OSCP1: variants seen among roughly 807,000 people sequenced by gnomAD.
OSCP1 encodes the protein organic solute carrier partner 1.
OSCP1 carries 35 observed loss-of-function variants against 45.1 expected under a neutral mutation model. The observed-to-expected ratio is 0.78, with a 90% CI of 0.59 to 1.03. The LOEUF (loss-of-function observed/expected upper bound fraction) is 1.03, where lower values mean the gene tolerates loss of function less well. OSCP1 is among the 50% of genes least tolerant of loss of function. OSCP1 has a pLI of 0.00. For synonymous variants in OSCP1, 179 were observed against 180.1 expected (o/e 0.99, Z 0.05); for missense variants, 400 against 470.7 (o/e 0.85, Z 1.39).
At chr1:36,422,978 A>G (rs1179869419) in intron 5 of OSCP1, 82 bp from the exon 6 acceptor site, 1 of 1,204,542 alleles carries the variant, frequency 8.3e-7, no homozygotes, top group Non-Finnish European at 1.1e-6. Context: ...GTACTACAGA[A>G]CAAAAAAGGA....
At position 36,450,383 on chromosome 1, in the gene OSCP1, A is replaced by T. The variant is rs942825277; in HGVS notation, c.-14T>A. On this transcript the variant is annotated 5_prime_UTR_variant, in exon 1 of 10. Transcript: ENST00000235532. ...CCGCACCGACATGGTGCTGGAAACG[A>T]GCTGGACTGGTGAAGAGCCCCGGGG... The T allele has an allele frequency of 1.2e-6, 2 of 1,609,976 alleles. No individual in the cohort carries two copies. The highest frequency in any genetic ancestry group is 2.7e-5 in the African/African-American group (2 of 74,816).
chr1:36,446,355 T>G (rs1380583650), intron 1 of OSCP1, among the ~76,000 whole-genome samples: 1 of 152,152 alleles, frequency 6.6e-6, no homozygotes, highest in Non-Finnish European at 1.5e-5. Context: ...TGGTATAGTG[T>G]GATAGACTTG....
At position 36,418,006 on chromosome 1, in the gene OSCP1, C is replaced by T; in HGVS notation, c.*133G>A. 4.5e-6 allele frequency: 3 copies of T among 662,334 alleles called. No individual in the cohort carries two copies. The highest frequency in any genetic ancestry group is 7.7e-6 in the Non-Finnish European group (3 of 389,864). 41.0% of individuals were successfully genotyped at this position (662,334 alleles called of 1,614,324 possible). The stretch of plus-strand genomic sequence containing the variant: ...GGGAGACTCACACAGTTCCTTACAA[C>T]ATAAATAAGAAATAGACGTAATGGC... On this transcript the variant is annotated 3_prime_UTR_variant, in exon 10 of 10. Coordinates refer to ENST00000235532, the MANE Select transcript of OSCP1 (RefSeq NM_145047.5).
chr1:36,418,369 C>G, intron 9 of OSCP1, 114 bp from the exon 10 acceptor site: 1 of 815,778 alleles, frequency 1.2e-6, no homozygotes, highest in Non-Finnish European at 2.0e-6. Flanking sequence ...CAGTTGCGCA[C>G]CTGTTTGTCA....
At chr1:36,426,177 A>T (rs189025782) in intron 4 of OSCP1, among the ~76,000 whole-genome samples, 1 of 152,200 alleles carries the variant, frequency 6.6e-6, no homozygotes, top group African/African-American at 2.4e-5. Context: ...GGGAATATTT[A>T]TATGTGCTAG....
In OSCP1 at chr1:36,422,749, C is replaced by G; in HGVS notation, c.749+19G>C. On this transcript the variant is annotated intron_variant, in intron 6 of 9. Coordinates refer to ENST00000235532, the MANE Select transcript of OSCP1 (RefSeq NM_145047.5). Reference sequence around the variant, plus strand: ...GACCTCCCTTGGACTTGAATTCACTCAGAGAAGAATTTGCTTACATGTTAG... The same window carrying G: ...GACCTCCCTTGGACTTGAATTCACTGAGAGAAGAATTTGCTTACATGTTAG... 6.5e-7 allele frequency: 1 copy of G among 1,537,372 alleles called. No homozygotes were observed. Among genetic ancestry groups the G allele is most frequent in the Non-Finnish European group, 8.8e-7 (1 of 1,137,022 alleles).
intron 2 of OSCP1, among the ~76,000 whole-genome samples, chr1:36,438,450 A>C (rs1454601202): frequency 6.6e-6 from 1 of 152,090 alleles, no homozygotes; most frequent in Non-Finnish European, 1.5e-5. Context: ...TGATTGTACC[A>C]CTGCACTCCA....
intron 2 of OSCP1, among the ~76,000 whole-genome samples, chr1:36,436,208 AT>A (rs1387108054): frequency 6.9e-6 from 1 of 145,764 alleles, no homozygotes; most frequent in Non-Finnish European, 1.5e-5. Flanking sequence ...GGTTCACGCC[AT>A]TCTCCTGCCT....
At chr1:36,449,311 C>A (rs1462691300) in intron 1 of OSCP1, among the ~76,000 whole-genome samples, 1 of 152,142 alleles carries the variant, frequency 6.6e-6, no homozygotes, top group East Asian at 1.9e-4. Context: ...CGTCATTTTT[C>A]TGGGGATTAG....
intron 1 of OSCP1, among the ~76,000 whole-genome samples, chr1:36,439,754 A>G (rs1044279678): frequency 6.6e-6 from 1 of 152,262 alleles, no homozygotes; most frequent in Non-Finnish European, 1.5e-5. Flanking sequence ...TATAATCTTG[A>G]TACTACAGTG....
At chr1:36,438,695 T>C (rs569026570) in intron 2 of OSCP1, 61 bp downstream of exon 2, 208 of 1,545,006 alleles carry the variant, frequency 1.3e-4, no homozygotes, top group Admixed American at 4.3e-4. Flanking sequence ...CCCCAGTCTA[T>C]GATCATCCAC....
chr1:36,438,685 C>T (rs1199806499), intron 2 of OSCP1, 71 bp downstream of exon 2: 1 of 1,513,964 alleles, frequency 6.6e-7, no homozygotes, highest in Non-Finnish European at 8.9e-7. Context: ...TCTCATGTGA[C>T]CCCAGTCTAT....
chr1:36,422,364 T>C (rs16822942), intron 6 of OSCP1, 145 bp from the exon 7 acceptor site: 78,709 of 761,932 alleles, frequency 0.1, 4,876 homozygotes, highest in East Asian at 0.25. Context: ...CAACTGAGTG[T>C]GTGTTAACCA....
intron 2 of OSCP1, among the ~76,000 whole-genome samples, chr1:36,435,557 C>T (rs993041067): frequency 1.3e-5 from 2 of 152,046 alleles, no homozygotes; most frequent in African/African-American, 4.8e-5. Flanking sequence ...CTTAATTATC[C>T]TAATAATTGA....
chr1:36,444,014 GTCC>G, intron 1 of OSCP1: 1 of 1,613,572 alleles, frequency 6.2e-7, no homozygotes, highest in Non-Finnish European at 8.5e-7. Context: ...CTCGTTTTCT[GTCC>G]ACCTCTGTCC....
In OSCP1 at chr1:36,447,023, G is replaced by A. The variant is rs1221523848; in HGVS notation, c.112+3235C>T. ...AAGCTGCAACATCTGCCTTGGCCTT[G>A]TGGGAACAGGGATGGCCTCCAGGAG... On this transcript the variant is annotated intron_variant, in intron 1 of 9. Transcript: ENST00000235532. This position sits in a 1 kb window ranked among gnomAD's most constrained non-coding sequence, Gnocchi z 4.1. Among the ~76,000 whole-genome samples the A allele has an allele frequency of 6.6e-6, 1 of 152,212 alleles. No homozygotes were observed. The highest frequency in any genetic ancestry group is 1.5e-5 in the Non-Finnish European group (1 of 68,034).
At chr1:36,423,952 A>AT (rs58118366) in intron 4 of OSCP1, among the ~76,000 whole-genome samples, 15,374 of 149,262 alleles carry the variant, frequency 0.1, 921 homozygotes, top group East Asian at 0.3. Flanking sequence ...AAACAGAACT[A>AT]TTTTTTTTTT....
At position 36,432,595 on chromosome 1, in the gene OSCP1, A is replaced by C; in HGVS notation, c.268-6T>G. 1 of 1,614,166 alleles carries C rather than the reference A, an allele frequency of 6.2e-7. No homozygotes were observed. The highest frequency in any genetic ancestry group is 8.5e-7 in the Non-Finnish European group (1 of 1,180,018). ...ATGGTCATCAGGTCATAGAGCTGCCAACCCACACACAAGCAAAAGAAATGG... is the reference window on the plus strand; with the variant it reads ...ATGGTCATCAGGTCATAGAGCTGCCCACCCACACACAAGCAAAAGAAATGG... On this transcript the variant is annotated splice_polypyrimidine_tract_variant and splice_region_variant and intron_variant, in intron 2 of 9. Transcript: ENST00000235532.
At chr1:36,433,966 C>T (rs72919385) in intron 2 of OSCP1, among the ~76,000 whole-genome samples, 5,544 of 152,206 alleles carry the variant, frequency 0.036, 330 homozygotes, top group African/African-American at 0.13. Context: ...AGGAAGATCA[C>T]GCGATATTTA....
Sources: gnomAD v4.1 joint callset for allele counts (sites outside exome capture counted in the v4.1 genomes callset) on GRCh38, gnomAD v4.1.1 for gene constraint, Gnocchi (gnomAD v3.1) non-coding constraint, MANE v1.5 for transcripts, NCBI Gene and HGNC (gene_info 2026-07-23, HGNC 2026-07-21) for gene names.